Variants in STPG2 observed in about 807,000 individuals in gnomAD.
STPG2 encodes sperm tail PG-rich repeat containing 2.
Under a neutral mutation model 54.2 loss-of-function variants are expected in STPG2, and 56 were observed. The ratio of observed to expected loss-of-function variants is 1.03; its 90% CI spans 0.83 to 1.29. The LOEUF (loss-of-function observed/expected upper bound fraction) is 1.29, where lower values mean the gene tolerates loss of function less well. STPG2 is among the 50% of genes most tolerant of loss of function. The pLI is 0.00. For synonymous variants in STPG2, 200 were observed against 181.8 expected, an observed-to-expected ratio of 1.10 and a Z score of -0.81; for missense variants, 596 against 544.9, an observed-to-expected ratio of 1.09 and a Z score of -0.93.
At chr4:97,549,176 A>G (rs983164730) in intron 4 of STPG2, among the ~76,000 whole-genome samples, 3 of 152,198 alleles carry the variant, frequency 2.0e-5, no homozygotes, top group Non-Finnish European at 4.4e-5. Flanking sequence ...TATTTAGCCC[A>G]GCTTAATCTC....
chr4:97,752,090 C>T (rs1725597582), intron 9 of STPG2, among the ~76,000 whole-genome samples: 1 of 151,788 alleles, frequency 6.6e-6, no homozygotes, highest in African/African-American at 2.4e-5. Flanking sequence ...ACTTCTTATA[C>T]AAAACCCTTA....
chr4:97,943,547 C>T (rs986931701), intron 8 of STPG2, among the ~76,000 whole-genome samples: 37 of 4,708 alleles, frequency 7.9e-3, no homozygotes, highest in African/African-American at 0.023. Flanking sequence ...AGACGAATTC[C>T]ATTGAAAAGA....
rs1425144279 is a variant in STPG2, at chr4:98,143,257, G to A, written c.-107C>T. The A allele has an allele frequency of 3.7e-6, 3 of 801,104 alleles. No homozygotes were observed. The highest frequency in any genetic ancestry group is 5.9e-6 in the Non-Finnish European group (3 of 507,132). 49.6% of individuals were successfully genotyped at this position (801,104 alleles called of 1,614,324 possible). On this transcript the variant is annotated 5_prime_UTR_variant, in exon 1 of 11. Transcript: ENST00000295268. ...AGGAAGCCGACACCAGTCTGAGGAG[G>A]CCGGGAAAGAACTTCCGTAAACAGG...
At chr4:97,458,543 G>A (rs540834973) in intron 4 of STPG2, among the ~76,000 whole-genome samples, 64 of 152,172 alleles carry the variant, frequency 4.2e-4, no homozygotes, top group Middle Eastern at 3.4e-3. Context: ...AAAACACATT[G>A]CTTAAAACTT....
Position 98,143,161 on chromosome 4 carries a change from G to A in STPG2, c.-11C>T, listed in dbSNP as rs1740351313. 2.5e-6 allele frequency: 4 copies of A among 1,607,714 alleles called. No individual in the cohort carries two copies. The highest frequency in any genetic ancestry group is 4.5e-5 in the East Asian group (2 of 44,758). ...AGCCCGATCATACATAGTGCTCGGG[G>A]TGGTGGGGGCGCTGGGGAAGGGCAG... On this transcript the variant is annotated 5_prime_UTR_variant, in exon 1 of 11. Transcript: ENST00000295268.
intron 9 of STPG2, among the ~76,000 whole-genome samples, chr4:97,821,660 A>G (rs567180973): frequency 1.2e-4 from 18 of 152,158 alleles, no homozygotes; most frequent in Non-Finnish European, 1.5e-4. Context: ...AAATCTAAGC[A>G]CAGGCCGCCA....
At position 98,011,156 on chromosome 4, in the gene STPG2, T is replaced by G. The variant is rs543413262; in HGVS notation, c.613-29838A>C. On this transcript the variant is annotated intron_variant, in intron 5 of 10. Coordinates refer to ENST00000295268, the MANE Select transcript of STPG2 (RefSeq NM_174952.3). ...CCCCAGTGTGTGTTTTTCCCCTCCC[T>G]ATGTCCATGAGTTCTCATTGTTCAA... is the stretch of plus-strand genomic sequence containing the variant. Among the ~76,000 whole-genome samples, 8 of 152,214 alleles carry G rather than the reference T, an allele frequency of 5.3e-5. No individual in the cohort carries two copies. In the Middle Eastern group the frequency reaches 0.01, roughly 194 times the overall value.
chr4:98,071,120 G>A (rs1321857966), intron 5 of STPG2, among the ~76,000 whole-genome samples: 1 of 151,890 alleles, frequency 6.6e-6, no homozygotes. Context: ...GAAATTCTAA[G>A]TAAAAAGAAC....
chr4:98,103,073 A>G (rs891295471), intron 5 of STPG2, among the ~76,000 whole-genome samples: 2 of 151,096 alleles, frequency 1.3e-5, no homozygotes, highest in Non-Finnish European at 2.9e-5. Context: ...AACTAAATAT[A>G]AAGCCTTGTT....
At chr4:97,991,403 A>G (rs1316756707) in intron 5 of STPG2, among the ~76,000 whole-genome samples, 2 of 149,848 alleles carry the variant, frequency 1.3e-5, no homozygotes, top group Non-Finnish European at 3.0e-5. Context: ...ATATATGTGT[A>G]TATATATACA....
intron 9 of STPG2, among the ~76,000 whole-genome samples, chr4:97,811,363 G>A (rs1016617986): frequency 6.6e-6 from 1 of 152,102 alleles, no homozygotes; most frequent in African/African-American, 2.4e-5. Context: ...GTTGAATAAA[G>A]TAACAGCCTT....
intron 10 of STPG2, among the ~76,000 whole-genome samples, chr4:97,711,924 T>C (rs1280193618): frequency 2.0e-5 from 3 of 151,988 alleles, no homozygotes; most frequent in African/African-American, 7.2e-5. Flanking sequence ...CCGCCTCAGC[T>C]TCCCAAAGTG....
At chr4:97,745,263 CAA>C (rs75326963) in intron 9 of STPG2, among the ~76,000 whole-genome samples, 3 of 101,134 alleles carry the variant, frequency 3.0e-5, no homozygotes, top group East Asian at 2.4e-4. Context: ...AACAAAAAAA[CAA>C]AAAAAAAAAC....
chr4:97,566,018 G>A (rs1381176956), intron 10 of STPG2, among the ~76,000 whole-genome samples: 1 of 152,186 alleles, frequency 6.6e-6, no homozygotes, highest in African/African-American at 2.4e-5. Context: ...CTTTTTGTTT[G>A]TCTGTGCCCT....
intron 8 of STPG2, among the ~76,000 whole-genome samples, chr4:97,937,786 C>T (rs1163331587): frequency 6.6e-6 from 1 of 152,164 alleles, no homozygotes; most frequent in Non-Finnish European, 1.5e-5. Context: ...CCTCGAGGGG[C>T]ACCAACCTAA....
At chr4:97,958,395 C>T (rs939654627) in intron 7 of STPG2, among the ~76,000 whole-genome samples, 1 of 152,074 alleles carries the variant, frequency 6.6e-6, no homozygotes, top group East Asian at 1.9e-4. Flanking sequence ...TATCTCAATA[C>T]TAACATTGAA....
intron 5 of STPG2, chr4:98,026,065 C>A (rs990715071): frequency 1.8e-6 from 2 of 1,129,996 alleles, no homozygotes; most frequent in Non-Finnish European, 2.6e-6. Context: ...ACATAAAGAA[C>A]AGAGTAACTC....
intron 9 of STPG2, among the ~76,000 whole-genome samples, chr4:97,742,714 T>TA (rs957288972): frequency 3.2e-4 from 47 of 145,824 alleles, no homozygotes; most frequent in Admixed American, 2.3e-3. Context: ...GTGGAATATT[T>TA]AAAAAAAAAC....
intron 10 of STPG2, among the ~76,000 whole-genome samples, chr4:97,696,025 A>T (rs1230968244): frequency 6.6e-6 from 1 of 152,144 alleles, no homozygotes; most frequent in Non-Finnish European, 1.5e-5. Context: ...CCTAAATTTC[A>T]TATGAAACCA....
Sources: allele counts gnomAD v4.1 joint callset (sites outside exome capture counted in the v4.1 genomes callset), GRCh38; gene constraint gnomAD v4.1.1; transcripts MANE v1.5; gene names NCBI Gene and HGNC (gene_info 2026-07-23, HGNC 2026-07-21).